The following RBFOX2 variants were observed in gnomAD, a reference collection of about 807,000 sequenced individuals.
The protein encoded by RBFOX2 is RNA binding protein fox-1 homolog 2.
In RBFOX2, 10 loss-of-function variants were observed where a neutral mutation model predicts 49.1. The ratio of observed to expected loss-of-function variants is 0.20; its 90% CI spans 0.13 to 0.35. The LOEUF (loss-of-function observed/expected upper bound fraction) is 0.35. Among genes scored for constraint, RBFOX2 ranks in the 10% least tolerant of loss-of-function variants. RBFOX2 has a pLI of 1.00. For synonymous variants in RBFOX2, 183 were observed against 187.4 expected (o/e 0.98, Z 0.19); for missense variants, 323 against 486.9 (o/e 0.66, Z 3.17).
At chr22:35,774,586 T>C (rs1197941474) in intron 4 of RBFOX2, among the ~76,000 whole-genome samples, 1 of 152,110 alleles carries the variant, frequency 6.6e-6, no homozygotes, top group East Asian at 1.9e-4. Flanking sequence ...TGTGCACAAA[T>C]ATGATATATA....
At chr22:35,786,498 C>T (rs1946419242) in intron 2 of RBFOX2, among the ~76,000 whole-genome samples, 1 of 152,076 alleles carries the variant, frequency 6.6e-6, no homozygotes, top group Admixed American at 6.5e-5. Flanking sequence ...ATGTAACCAC[C>T]AAATTAGATC....
chr22:35,967,359 C>G (rs2149990706), intron 1 of RBFOX2, among the ~76,000 whole-genome samples: 1 of 146,368 alleles, frequency 6.8e-6, no homozygotes, highest in East Asian at 2.0e-4. Flanking sequence ...GCCTGGGCAA[C>G]AGAGCGAGAC....
chr22:35,825,981 C>CAA (rs901630936), intron 1 of RBFOX2, among the ~76,000 whole-genome samples: 600 of 39,582 alleles, frequency 0.015, 36 homozygotes, highest in African/African-American at 0.055. Context: ...GACTCCGCTT[C>CAA]AAAAAAAAAA....
intron 1 of RBFOX2, among the ~76,000 whole-genome samples, chr22:35,925,451 T>C (rs1259779002): frequency 6.6e-6 from 1 of 152,110 alleles, no homozygotes; most frequent in Non-Finnish European, 1.5e-5. Flanking sequence ...GATCACTTAC[T>C]TGAGCCCAGG....
chr22:35,946,539 T>C (rs191155385), intron 1 of RBFOX2, among the ~76,000 whole-genome samples: 186 of 152,286 alleles, frequency 1.2e-3, no homozygotes, highest in Non-Finnish European at 1.9e-3. Context: ...ATTTAACATA[T>C]AGGAGAAGCT....
intron 1 of RBFOX2, among the ~76,000 whole-genome samples, chr22:35,877,801 G>A (rs1326553321): frequency 5.9e-5 from 9 of 151,918 alleles, no homozygotes; most frequent in Non-Finnish European, 1.0e-4. Flanking sequence ...GAGAATAGCT[G>A]ATGTCAGCTA....
intron 1 of RBFOX2, among the ~76,000 whole-genome samples, chr22:35,850,353 C>T (rs2041800202): frequency 6.6e-6 from 1 of 152,102 alleles, no homozygotes; most frequent in Non-Finnish European, 1.5e-5. Flanking sequence ...GGATCCCTTT[C>T]ATGACACTGT....
intron 1 of RBFOX2, among the ~76,000 whole-genome samples, chr22:35,884,272 C>A (rs942644339): frequency 1.3e-5 from 2 of 152,170 alleles, no homozygotes; most frequent in East Asian, 3.9e-4. Flanking sequence ...GCTGGGATTA[C>A]AGATGTGAGC....
chr22:35,805,448 CT>C (rs555984485), intron 2 of RBFOX2, among the ~76,000 whole-genome samples: 63 of 152,096 alleles, frequency 4.1e-4, no homozygotes, highest in Non-Finnish European at 7.2e-4. Context: ...AACTACATAT[CT>C]ATTAGAATGG....
At chr22:35,807,923 A>T (rs915563973) in intron 2 of RBFOX2, among the ~76,000 whole-genome samples, 2 of 152,100 alleles carry the variant, frequency 1.3e-5, no homozygotes, top group African/African-American at 4.8e-5. Flanking sequence ...TACAAAAATT[A>T]AAACGATTAT....
chr22:35,977,779 T>C (rs1274886804), intron 1 of RBFOX2, among the ~76,000 whole-genome samples: 1 of 134,576 alleles, frequency 7.4e-6, no homozygotes, highest in Non-Finnish European at 1.6e-5. Flanking sequence ...CACACACACA[T>C]ATACATATGT....
At chr22:35,762,315 C>T (rs1479193057) in intron 6 of RBFOX2, among the ~76,000 whole-genome samples, 5 of 151,838 alleles carry the variant, frequency 3.3e-5, no homozygotes, top group South Asian at 4.1e-4. Flanking sequence ...TTGCTCACTG[C>T]GAGTGAATAA....
rs543908798 is a variant in RBFOX2 at position 35,766,924 on chromosome 22, G to A, written c.546+1333C>T. Among the ~76,000 whole-genome samples, 141 of 152,176 alleles carry A rather than the reference G, an allele frequency of 9.3e-4. 4 individuals are homozygous for A. The South Asian group carries it at 0.028, about 30-fold the overall frequency. On this transcript the variant is annotated intron_variant, in intron 5 of 11. Coordinates refer to ENST00000405409, the Ensembl canonical transcript of RBFOX2. ...GGGAAAGGGACAGGAACAAGGATCC[G>A]GAAAAAGAGAGTAAGGTAGGGAAAA...
chr22:35,761,116 G>GTACT, intron 8 of RBFOX2, 86 bp downstream of exon 9: 1 of 1,150,812 alleles, frequency 8.7e-7, no homozygotes, highest in Non-Finnish European at 1.3e-6. Flanking sequence ...TTTCAGTTAT[G>GTACT]TACTGTACTA....
chr22:36,002,872 C>G (rs1048036234), intron 1 of RBFOX2, among the ~76,000 whole-genome samples: 2 of 152,252 alleles, frequency 1.3e-5, no homozygotes, highest in Non-Finnish European at 1.5e-5. Context: ...ATGATCCCCC[C>G]ACCTTGGCCT....
At chr22:35,756,517 G>A (rs1327229038) in intron 9 of RBFOX2, among the ~76,000 whole-genome samples, 2 of 152,112 alleles carry the variant, frequency 1.3e-5, no homozygotes, top group East Asian at 3.9e-4. Context: ...GCTTGCCCTA[G>A]GAGGAAGTTT....
chr22:35,815,904 A>G (rs1469898442), intron 1 of RBFOX2, among the ~76,000 whole-genome samples: 2 of 150,996 alleles, frequency 1.3e-5, no homozygotes, highest in Non-Finnish European at 2.9e-5. Context: ...GCCTTTGTTT[A>G]AAAAAAAAGA....
intron 1 of RBFOX2, among the ~76,000 whole-genome samples, chr22:35,817,308 T>C (rs1953315184): frequency 6.6e-6 from 1 of 151,896 alleles, no homozygotes; most frequent in Non-Finnish European, 1.5e-5. Context: ...TGAAACTCCA[T>C]CTCTACTAAA....
intron 1 of RBFOX2, among the ~76,000 whole-genome samples, chr22:35,827,111 A>C (rs1955926474): frequency 6.6e-6 from 1 of 152,224 alleles, no homozygotes; most frequent in African/African-American, 2.4e-5. Flanking sequence ...ATGTGTTGCC[A>C]TTGAAATCTG....
Sources: gnomAD v4.1 joint callset for allele counts (sites outside exome capture counted in the v4.1 genomes callset) on GRCh38, gnomAD v4.1.1 for gene constraint, MANE v1.5 for transcripts, NCBI Gene and HGNC (gene_info 2026-07-23, HGNC 2026-07-21) for gene names.